Variants in EPM2A observed in about 807,000 individuals in gnomAD.
The protein encoded by EPM2A is laforin.
EPM2A carries 21 observed loss-of-function variants against 26.5 expected under a neutral mutation model. The observed-to-expected ratio is 0.79, with a 90% confidence interval of 0.56 to 1.14. The LOEUF (loss-of-function observed/expected upper bound fraction) is 1.14, where lower values mean the gene tolerates loss of function less well. Ranked by LOEUF, EPM2A falls within the 50% of genes most tolerant of loss-of-function variation. The probability of loss-of-function intolerance (pLI) is 0.00; values close to 1 mark genes in which losing one functional copy is unlikely to be tolerated. For missense variants in EPM2A, 458 were observed against 440.8 expected (o/e 1.04, Z -0.35); for synonymous variants, 217 against 177.6 (o/e 1.22, Z -1.76).
intron 4 of EPM2A, among the ~76,000 whole-genome samples, chr6:145,441,890 C>A (rs1779067372): frequency 6.6e-6 from 1 of 151,958 alleles, no homozygotes; most frequent in Non-Finnish European, 1.5e-5. Context: ...AAAACAAAAA[C>A]AAAAACTGAA....
intron 2 of EPM2A, among the ~76,000 whole-genome samples, chr6:145,645,019 C>G (rs1777356314): frequency 6.6e-6 from 1 of 152,170 alleles, no homozygotes; most frequent in Non-Finnish European, 1.5e-5. Context: ...CAAACTGAAA[C>G]TGTCATATTT....
downstream of EPM2A, among the ~76,000 whole-genome samples, chr6:145,620,401 C>T (rs1177834735): frequency 1.3e-5 from 2 of 152,072 alleles, no homozygotes; most frequent in South Asian, 2.1e-4. Context: ...CTGTGTGGCC[C>T]GGTTCCTAAC....
chr6:145,431,631 C>T (rs576269636), intron 4 of EPM2A, among the ~76,000 whole-genome samples: 1 of 152,118 alleles, frequency 6.6e-6, no homozygotes, highest in Non-Finnish European at 1.5e-5. Flanking sequence ...CAGGCTTCAG[C>T]GAGTAGTAAT....
At chr6:145,667,864 G>A (rs1779334212) in intron 2 of EPM2A, among the ~76,000 whole-genome samples, 1 of 150,558 alleles carries the variant, frequency 6.6e-6, no homozygotes, top group South Asian at 2.1e-4. Flanking sequence ...GTCCTTTGTA[G>A]GGACGTGGAT....
At chr6:145,541,410 T>C (rs1170135503) in intron 2 of EPM2A, among the ~76,000 whole-genome samples, 1 of 151,776 alleles carries the variant, frequency 6.6e-6, no homozygotes, top group East Asian at 1.9e-4. Context: ...GCCATTTAAA[T>C]AAATGAAAAT....
rs1408469026 is a variant in EPM2A at position 145,626,847 on chromosome 6, G to A, written c.*569C>T. 2 of 988,594 alleles carry A rather than the reference G, an allele frequency of 2.0e-6. No individual in the cohort carries two copies. Among genetic ancestry groups the A allele is most frequent in the Admixed American group, 1.2e-4 (2 of 17,052 alleles). 61.2% of individuals were successfully genotyped at this position (988,594 alleles called of 1,614,324 possible). A position where few individuals can be genotyped will look rare whatever the true frequency, so the allele number is the denominator to read the frequency against. ...GGGTTGTTGGGTAGAGAAGGAAGGTGATGCCTTGGAACAGACTTTAACAAC... is the reference window on the plus strand; with the variant it reads ...GGGTTGTTGGGTAGAGAAGGAAGGTAATGCCTTGGAACAGACTTTAACAAC... On this transcript the variant is annotated 3_prime_UTR_variant, in exon 4 of 4. Coordinates refer to ENST00000367519, the MANE Select transcript of EPM2A (RefSeq NM_005670.4).
chr6:145,505,023 C>T (rs1779950111), intron 2 of EPM2A, among the ~76,000 whole-genome samples: 1 of 124,190 alleles, frequency 8.1e-6, no homozygotes, highest in South Asian at 3.1e-4. Flanking sequence ...CATATTCTCA[C>T]TGATAGGTGG....
At position 145,701,667 on chromosome 6, in the gene EPM2A, C is replaced by T. The variant is rs11963225; in HGVS notation, c.302-15371G>A. On this transcript the variant is annotated intron_variant, in intron 1 of 3. Transcript: ENST00000367519. ...CCTAAAGAAATCAGGATTCTGTTGG[C>T]TGCGGAGAGTGGAGAGAAACAAATA... Among the ~76,000 whole-genome samples the T allele has an allele frequency of 2.7e-3, 413 of 152,286 alleles. 1 individual carries two copies. The highest frequency in any genetic ancestry group is 8.0e-3 in the African/African-American group (334 of 41,568).
At chr6:145,443,129 C>T (rs1367659990) in intron 4 of EPM2A, among the ~76,000 whole-genome samples, 1 of 152,126 alleles carries the variant, frequency 6.6e-6, no homozygotes, top group African/African-American at 2.4e-5. Context: ...CCTCGGCCTC[C>T]CAAAGTGCTG....
intron 2 of EPM2A, among the ~76,000 whole-genome samples, chr6:145,579,030 T>C (rs914745028): frequency 2.6e-5 from 4 of 152,112 alleles, no homozygotes; most frequent in Non-Finnish European, 5.9e-5. Flanking sequence ...AGGGATAGCA[T>C]TAGGAGATAT....
chr6:145,466,094 T>C lies in EPM2A; in HGVS notation c.555+36428A>G, dbSNP rs570124119. Among the ~76,000 whole-genome samples the C allele has an allele frequency of 1.9e-3, 286 of 151,300 alleles. 1 individual carries two copies. The highest frequency in any genetic ancestry group is 6.2e-3 in the African/African-American group (257 of 41,202). On this transcript the variant is annotated intron_variant, in intron 4 of 4. Coordinates refer to the EPM2A transcript ENST00000638717. ...TAGACATGGGCAAGGACTTCATGTC[T>C]AAAACACCAAAAGCAATGGCAACAA...
At chr6:145,605,308 C>T (rs1485707629) in intron 2 of EPM2A, among the ~76,000 whole-genome samples, 1 of 152,120 alleles carries the variant, frequency 6.6e-6, no homozygotes, top group Non-Finnish European at 1.5e-5. Context: ...CATCCTTTGG[C>T]TTAGCATGTT....
chr6:145,496,728 A>ATTTTTTTTTTTTT (rs1554244200), downstream of EPM2A, among the ~76,000 whole-genome samples: 38 of 106,884 alleles, frequency 3.6e-4, 4 homozygotes, highest in Middle Eastern at 5.5e-3. Context: ...AGTTCCTGCA[A>ATTTTTTTTTTTTT]TTTTTTTTTT....
intron 4 of EPM2A, among the ~76,000 whole-genome samples, chr6:145,420,194 T>A (rs566353731): frequency 1.1e-4 from 17 of 152,270 alleles, no homozygotes; most frequent in Non-Finnish European, 2.4e-4. Flanking sequence ...ACCACCACAG[T>A]ATTCAAGCCA....
At position 145,627,090 on chromosome 6, in the gene EPM2A, C is replaced by T. The variant is rs773998180; in HGVS notation, c.*326G>A. 135 of 1,234,110 alleles carry T rather than the reference C, an allele frequency of 1.1e-4. No individual in the cohort carries two copies. The highest frequency in any genetic ancestry group is 2.3e-4 in the East Asian group (5 of 21,884). The allele number at this position is 1,234,110 out of a possible 1,614,324, so 76.4% of individuals were successfully genotyped here. On this transcript the variant is annotated 3_prime_UTR_variant, in exon 4 of 4. Transcript: ENST00000367519. Reference sequence around the variant, plus strand: ...CAGGAAAGTGCTGTCACGGATCCATCGTGCAACACATACAGTGCTGTAAAG... The same window carrying T: ...CAGGAAAGTGCTGTCACGGATCCATTGTGCAACACATACAGTGCTGTAAAG...
intron 2 of EPM2A, among the ~76,000 whole-genome samples, chr6:145,649,393 G>A (rs181255962): frequency 3.2e-4 from 49 of 152,318 alleles, no homozygotes; most frequent in South Asian, 1.9e-3. Flanking sequence ...GGTTCTGAGC[G>A]CTTAGCAAGC....
intron 4 of EPM2A, among the ~76,000 whole-genome samples, chr6:145,495,513 A>C (rs970689367): frequency 1.3e-5 from 2 of 152,048 alleles, no homozygotes; most frequent in African/African-American, 4.8e-5. Context: ...TTATGTGTGG[A>C]TTTGATCCTG....
intron 4 of EPM2A, among the ~76,000 whole-genome samples, chr6:145,450,980 C>T (rs938585612): frequency 1.3e-5 from 2 of 151,968 alleles, no homozygotes; most frequent in Non-Finnish European, 2.9e-5. Flanking sequence ...AAACTGAAGG[C>T]CAATCTATGG....
chr6:145,723,590 A>C (rs1039643144), intron 1 of EPM2A, among the ~76,000 whole-genome samples: 1 of 152,146 alleles, frequency 6.6e-6, no homozygotes, highest in African/African-American at 2.4e-5. Context: ...CCTGCCAACA[A>C]AAAGAACAAC....
Sources: gnomAD v4.1 joint callset for allele counts (sites outside exome capture counted in the v4.1 genomes callset) on GRCh38, gnomAD v4.1.1 for gene constraint, MANE v1.5 for transcripts, NCBI Gene and HGNC (gene_info 2026-07-23, HGNC 2026-07-21) for gene names.